The following UBTD1 variants were observed in gnomAD, a reference collection of about 807,000 sequenced individuals.
The protein encoded by UBTD1 is ubiquitin domain-containing protein 1.
In UBTD1, 19 loss-of-function variants were observed where a neutral mutation model predicts 21.7. The observed-to-expected ratio is 0.87, with a 90% CI of 0.61 to 1.28. UBTD1 has a LOEUF of 1.28. Among genes scored for constraint, UBTD1 ranks in the 50% most tolerant of loss-of-function variants. The pLI is 0.00. For missense variants in UBTD1, 282 were observed against 315.1 expected, an observed-to-expected ratio of 0.89 and a Z score of 0.80; for synonymous variants, 116 against 135.1, an observed-to-expected ratio of 0.86 and a Z score of 0.98.
At chr10:97,547,321 G>A (rs930541493) in intron 1 of UBTD1, among the ~76,000 whole-genome samples, 2 of 152,132 alleles carry the variant, frequency 1.3e-5, no homozygotes, top group African/African-American at 4.8e-5. Flanking sequence ...GGTAGCAAAG[G>A]GAGCCAGCCA....
intron 1 of UBTD1, among the ~76,000 whole-genome samples, chr10:97,549,931 G>A (rs1005573033): frequency 1.6e-4 from 24 of 152,244 alleles, no homozygotes; most frequent in Admixed American, 3.9e-4. Flanking sequence ...CCCCCTCCCC[G>A]CCTGGGCTGA....
chr10:97,531,499 C>T (rs185685418), intron 1 of UBTD1, among the ~76,000 whole-genome samples: 1 of 152,328 alleles, frequency 6.6e-6, no homozygotes, highest in African/African-American at 2.4e-5. Flanking sequence ...GATCTGCCTG[C>T]CTCAGCCTCT....
chr10:97,526,402 A>G (rs897677434), intron 1 of UBTD1, among the ~76,000 whole-genome samples: 1 of 152,252 alleles, frequency 6.6e-6, no homozygotes, highest in Non-Finnish European at 1.5e-5. Context: ...TGGAAAGTCT[A>G]AATGTGTGAC....
intron 1 of UBTD1, among the ~76,000 whole-genome samples, chr10:97,525,982 A>C (rs986625846): frequency 1.3e-5 from 2 of 152,162 alleles, no homozygotes; most frequent in African/African-American, 4.8e-5. Flanking sequence ...GGAGTGACAT[A>C]ATCACTATTA....
intron 1 of UBTD1, among the ~76,000 whole-genome samples, chr10:97,558,868 T>A (rs1230142769): frequency 6.6e-6 from 1 of 152,174 alleles, no homozygotes; most frequent in Non-Finnish European, 1.5e-5. Context: ...CGTTTTACGA[T>A]GTCTTATTAT....
In UBTD1 at chr10:97,570,154, C is replaced by T; in HGVS notation, c.315C>T (p.Cys105=). ...ITLPHGTLCE[C]YDELGNRYQL... is the part of the protein sequence containing the mutation. ...CTCCTACAGGCACCCTCTGTGAATGCTACGATGAGCTGGGCAATCGCTACC... is the reference window on the plus strand; with the variant it reads ...CTCCTACAGGCACCCTCTGTGAATGTTACGATGAGCTGGGCAATCGCTACC... Residue 105 remains cysteine, a synonymous_variant, in exon 3 of 3, where the codon TGC becomes TGT. Coordinates refer to ENST00000370664, the MANE Select transcript of UBTD1 (RefSeq NM_024954.5). This position sits in a 1 kb window ranked among gnomAD's most constrained non-coding sequence, Gnocchi z 6.6. 6.2e-7 allele frequency: 1 copy of T among 1,607,974 alleles called. No homozygotes were observed. The highest frequency in any genetic ancestry group is 8.5e-7 in the Non-Finnish European group (1 of 1,176,046).
intron 1 of UBTD1, among the ~76,000 whole-genome samples, chr10:97,539,871 G>A (rs1004727902): frequency 4.6e-5 from 7 of 152,158 alleles, no homozygotes; most frequent in African/African-American, 1.7e-4. Context: ...GTCACCGTTA[G>A]CTCCCTTCCT....
chr10:97,552,348 G>C (rs1008931814), intron 1 of UBTD1, among the ~76,000 whole-genome samples: 3 of 150,520 alleles, frequency 2.0e-5, no homozygotes, highest in Non-Finnish European at 4.4e-5. Flanking sequence ...GAGTGATAGA[G>C]CCAGACCCCG....
At chr10:97,504,253 A>C (rs370611187) in intron 1 of UBTD1, among the ~76,000 whole-genome samples, 9 of 151,980 alleles carry the variant, frequency 5.9e-5, no homozygotes, top group African/African-American at 2.2e-4. Flanking sequence ...CCGACAGACT[A>C]TTTCCATCCC....
intron 1 of UBTD1, among the ~76,000 whole-genome samples, chr10:97,543,513 C>T (rs1044195663): frequency 1.3e-5 from 2 of 152,200 alleles, no homozygotes; most frequent in Non-Finnish European, 2.9e-5. Flanking sequence ...CTTCACACTT[C>T]GTACAGAAAT....
chr10:97,563,331 T>A (rs2040701933), intron 1 of UBTD1, among the ~76,000 whole-genome samples: 1 of 152,220 alleles, frequency 6.6e-6, no homozygotes, highest in South Asian at 2.1e-4. Flanking sequence ...GTAAAAACAC[T>A]CTTCATTTAA....
chr10:97,569,992 C>T, intron 2 of UBTD1, 146 bp from the exon 3 acceptor site: 1 of 1,218,962 alleles, frequency 8.2e-7, no homozygotes, highest in Non-Finnish European at 1.1e-6. Context: ...CCTCATTTAA[C>T]TTTATTTATT....
At chr10:97,551,275 CCT>C (rs2040636142) in intron 1 of UBTD1, among the ~76,000 whole-genome samples, 2 of 152,104 alleles carry the variant, frequency 1.3e-5, no homozygotes, top group Admixed American at 6.5e-5. Flanking sequence ...GTGGCTCACA[CCT>C]GTAATCCTAG....
intron 1 of UBTD1, among the ~76,000 whole-genome samples, chr10:97,564,569 A>T (rs1019950571): frequency 7.3e-5 from 11 of 149,806 alleles, no homozygotes; most frequent in Non-Finnish European, 1.5e-5. Context: ...CCTTATTATT[A>T]TTTTTTTTTT....
At chr10:97,511,029 G>A (rs1307938908) in intron 1 of UBTD1, among the ~76,000 whole-genome samples, 2 of 151,988 alleles carry the variant, frequency 1.3e-5, no homozygotes, top group Non-Finnish European at 2.9e-5. Flanking sequence ...TTCCTTCCTG[G>A]AGCTTTGTGT....
At chr10:97,544,297 A>AAG (rs1266338481) in intron 1 of UBTD1, among the ~76,000 whole-genome samples, 1 of 151,496 alleles carries the variant, frequency 6.6e-6, no homozygotes, top group East Asian at 1.9e-4. Flanking sequence ...GTCTCAAAAA[A>AAG]AAAAAAAGGA....
chr10:97,567,849 G>C, intron 1 of UBTD1, 65 bp from the exon 2 acceptor site: 1 of 1,518,348 alleles, frequency 6.6e-7, no homozygotes, highest in African/African-American at 1.4e-5. Context: ...GGGAGGGGAG[G>C]GGGAGGGCAG....
At chr10:97,521,409 A>G (rs1294000755) in intron 1 of UBTD1, among the ~76,000 whole-genome samples, 1 of 152,074 alleles carries the variant, frequency 6.6e-6, no homozygotes, top group African/African-American at 2.4e-5. Flanking sequence ...TTCCCAAAGG[A>G]GAGTGGTCTG....
At chr10:97,517,911 G>A (rs1589869782) in intron 1 of UBTD1, among the ~76,000 whole-genome samples, 2 of 152,146 alleles carry the variant, frequency 1.3e-5, no homozygotes, top group Admixed American at 1.3e-4. Flanking sequence ...AGGCAGGAGG[G>A]AGGTGGCTGT....
Sources: allele counts gnomAD v4.1 joint callset (sites outside exome capture counted in the v4.1 genomes callset), GRCh38; gene constraint gnomAD v4.1.1; non-coding constraint Gnocchi (gnomAD v3.1); transcripts MANE v1.5; gene names NCBI Gene and HGNC (gene_info 2026-07-23, HGNC 2026-07-21).